Variants in ACAD9 observed in about 807,000 individuals in gnomAD.
ACAD9 encodes acyl-CoA dehydrogenase family member 9.
ACAD9 carries 53 observed loss-of-function variants against 70.2 expected under a neutral mutation model. The ratio of observed to expected loss-of-function variants is 0.75; its 90% CI spans 0.61 to 0.95. The LOEUF is 0.95. ACAD9 is among the 40% of genes least tolerant of loss of function. The probability of loss-of-function intolerance (pLI) is 0.00; values close to 1 mark genes in which losing one functional copy is unlikely to be tolerated. For missense variants in ACAD9, 777 were observed against 802.8 expected, an observed-to-expected ratio of 0.97 and a Z score of 0.39; for synonymous variants, 313 against 312.1, an observed-to-expected ratio of 1.00 and a Z score of -0.03.
At chr3:128,897,845 TTTGTTTTTAA>T (rs1478193334) in intron 6 of ACAD9, 135 bp downstream of exon 6, 2 of 855,152 alleles carry the variant, frequency 2.3e-6, no homozygotes, top group African/African-American at 3.4e-5. Context: ...CTTTTATGTG[TTTGTTTTTAA>T]TTTTTTTTAG....
In ACAD9 at chr3:128,895,309, G is replaced by A. The variant is rs1559823447; in HGVS notation, c.347-1G>A. 6.2e-7 allele frequency: 1 copy of A among 1,610,018 alleles called. No individual in the cohort carries two copies. Among genetic ancestry groups the A allele is most frequent in the Non-Finnish European group, 8.5e-7 (1 of 1,178,050 alleles). ...GATTGACGCTGGTCCATCTCTCCTA[G>A]GTGGCCTGGGCTTCTCCAACACCAT... On this transcript the variant is annotated splice_acceptor_variant, in intron 3 of 17. Coordinates refer to ENST00000308982, the MANE Select transcript of ACAD9 (RefSeq NM_014049.5). LOFTEE classifies it high-confidence loss of function.
At chr3:128,907,638 C>T (rs527536703) in intron 12 of ACAD9, among the ~76,000 whole-genome samples, 615 of 152,342 alleles carry the variant, frequency 4.0e-3, no homozygotes, top group South Asian at 9.3e-3. Context: ...CAGGCCCCTG[C>T]ACCTGACACA....
chr3:128,897,804 C>A, intron 6 of ACAD9, 94 bp downstream of exon 6: 1 of 1,152,772 alleles, frequency 8.7e-7, no homozygotes, highest in South Asian at 1.3e-5. Flanking sequence ...ATTGTACCTG[C>A]TGCTGTAGCA....
chr3:128,887,083 C>T (rs1483903710), intron 2 of ACAD9, among the ~76,000 whole-genome samples: 1 of 152,026 alleles, frequency 6.6e-6, no homozygotes, highest in African/African-American at 2.4e-5. Flanking sequence ...CACCGCCACG[C>T]CTGGCTAATT....
chr3:128,888,517 T>A (rs2107644663), intron 2 of ACAD9, among the ~76,000 whole-genome samples: 1 of 152,118 alleles, frequency 6.6e-6, no homozygotes, highest in South Asian at 2.1e-4. Context: ...AGGTGGAGGT[T>A]GTATTGAGCT....
At chr3:128,897,919 A>C (rs971818484) in intron 6 of ACAD9, among the ~76,000 whole-genome samples, 1 of 151,332 alleles carries the variant, frequency 6.6e-6, no homozygotes, top group African/African-American at 2.4e-5. Context: ...GCAGTGGTGT[A>C]ATCTCAGCTC....
rs368597127 is a variant in ACAD9, at chr3:128,908,238, C to T, written c.1332C>T (p.Ala444=). The T allele has an allele frequency of 2.5e-5, 40 of 1,614,052 alleles. No individual in the cohort carries two copies. The highest frequency in any genetic ancestry group is 1.6e-4 in the Middle Eastern group (1 of 6,084). ...MYIALTGLQH[A]GRILTTRIHE... ...TCGCCCTGACGGGTCTGCAGCATGC[C>T]GGCCGCATCCTGACTACCAGGATCC... The change falls in exon 13 of 18, where the codon GCC becomes GCT. Residue 444 remains alanine, a synonymous_variant. Coordinates refer to ENST00000308982, the MANE Select transcript of ACAD9 (RefSeq NM_014049.5).
chr3:128,885,314 T>C (rs1261618477), intron 2 of ACAD9, among the ~76,000 whole-genome samples: 1 of 152,200 alleles, frequency 6.6e-6, no homozygotes, highest in Non-Finnish European at 1.5e-5. Flanking sequence ...TCTTCCCTAA[T>C]AGTAGGATCC....
intron 5 of ACAD9, among the ~76,000 whole-genome samples, chr3:128,897,187 A>T (rs1935591614): frequency 6.6e-6 from 1 of 152,068 alleles, no homozygotes; most frequent in Non-Finnish European, 1.5e-5. Context: ...TTTATAAATA[A>T]GTTTTGTTTG....
chr3:128,910,159 G>C lies in ACAD9; in HGVS notation c.1692+10G>C. The C allele has an allele frequency of 6.2e-7, 1 of 1,613,974 alleles. No homozygotes were observed. Among genetic ancestry groups the C allele is most frequent in the African/African-American group, 1.3e-5 (1 of 75,072 alleles). On this transcript the variant is annotated intron_variant, in intron 16 of 17. Transcript: ENST00000308982. ...CAACCACGACCACGAGGTGAGCCCA[G>C]CCCAGCCTCACACAGGGCCTGGCTG...
chr3:128,892,564 T>C (rs534377682), intron 2 of ACAD9, among the ~76,000 whole-genome samples: 1 of 152,380 alleles, frequency 6.6e-6, no homozygotes, highest in South Asian at 2.1e-4. Flanking sequence ...GAGATCTCAC[T>C]CTGTCGCTCA....
intron 9 of ACAD9, 33 bp from the exon 10 acceptor site, chr3:128,904,029 C>T: frequency 6.2e-7 from 1 of 1,605,512 alleles, no homozygotes; most frequent in Non-Finnish European, 8.5e-7. Context: ...CAGAAATATT[C>T]CAGTTCATTC....
chr3:128,905,768 G>A (rs1364815502), intron 11 of ACAD9, among the ~76,000 whole-genome samples: 1 of 152,148 alleles, frequency 6.6e-6, no homozygotes, highest in Non-Finnish European at 1.5e-5. Flanking sequence ...TTGCCCCCAA[G>A]GCACTTATAG....
intron 16 of ACAD9, chr3:128,910,463 AC>A: frequency 2.2e-6 from 2 of 917,142 alleles, no homozygotes; most frequent in Non-Finnish European, 3.2e-6. Flanking sequence ...CCCACTGTAT[AC>A]CAGGATCTCT....
At chr3:128,887,644 AATAT>A (rs71153150) in intron 2 of ACAD9, among the ~76,000 whole-genome samples, 28 of 133,114 alleles carry the variant, frequency 2.1e-4, no homozygotes, top group East Asian at 1.1e-3. Flanking sequence ...AAAATAAATA[AATAT>A]ATATATATAT....
At position 128,912,618 on chromosome 3, in the gene ACAD9, A is replaced by T. The variant is rs753666129; in HGVS notation, c.*11A>T. The T allele has an allele frequency of 2.5e-6, 4 of 1,610,908 alleles. No homozygotes were observed. Among genetic ancestry groups the T allele is most frequent in the Non-Finnish European group, 3.4e-6 (4 of 1,177,174 alleles). Reference sequence around the variant, plus strand: ...GACAGGACATGCTGAGGCAGGGGACAGTGTCCCCTGCTACCGCCCGCCCCT... The same window carrying T: ...GACAGGACATGCTGAGGCAGGGGACTGTGTCCCCTGCTACCGCCCGCCCCT... On this transcript the variant is annotated 3_prime_UTR_variant, in exon 18 of 18. Transcript: ENST00000308982.
intron 9 of ACAD9, among the ~76,000 whole-genome samples, chr3:128,903,598 C>T (rs576694191): frequency 6.6e-6 from 1 of 152,330 alleles, no homozygotes; most frequent in South Asian, 2.1e-4. Flanking sequence ...CAGCCACACG[C>T]CTGGAAGCCC....
chr3:128,899,486 C>CGCGTGTGT, intron 7 of ACAD9, 25 bp downstream of exon 7: 1 of 1,607,588 alleles, frequency 6.2e-7, no homozygotes, highest in Non-Finnish European at 8.5e-7. Flanking sequence ...TGCGCGCGTG[C>CGCGTGTGT]GCGTGTGTGT....
chr3:128,880,831 A>G (rs1293335920), intron 1 of ACAD9, among the ~76,000 whole-genome samples: 3 of 152,248 alleles, frequency 2.0e-5, no homozygotes, highest in Non-Finnish European at 4.4e-5. Flanking sequence ...AGCTGGCTTC[A>G]ACACTTAGTC....
Sources: allele counts gnomAD v4.1 joint callset (sites outside exome capture counted in the v4.1 genomes callset), GRCh38; gene constraint gnomAD v4.1.1; transcripts MANE v1.5; gene names NCBI Gene and HGNC (gene_info 2026-07-23, HGNC 2026-07-21).